ESRRG: variants seen among roughly 807,000 people sequenced by gnomAD.
ESRRG encodes the protein estrogen-related receptor gamma.
A neutral mutation model predicts 44.0 loss-of-function variants in ESRRG; 13 were observed. The ratio of observed to expected loss-of-function variants is 0.30; its 90% CI spans 0.19 to 0.47. The LOEUF (loss-of-function observed/expected upper bound fraction) is 0.47. Among genes scored for constraint, ESRRG ranks in the 20% least tolerant of loss-of-function variants. ESRRG has a pLI of 1.00. For synonymous variants in ESRRG, 215 were observed against 214.6 expected (o/e 1.00, Z -0.02); for missense variants, 395 against 580.6 (o/e 0.68, Z 3.29).
chr1:216,567,938 A>G (rs1558540339), intron 4 of ESRRG, 50 bp downstream of exon 4: 2 of 1,230,654 alleles, frequency 1.6e-6, no homozygotes, highest in Non-Finnish European at 2.4e-6. Context: ...CATAGAGCCA[A>G]CTGGGAGGAT....
rs149708491 is a variant in ESRRG, at chr1:216,975,816, T to C, written c.-105-36143A>G. ...CTTTTGTCAATGGGAAAGAACTACA[T>C]TTGTTGAGTACATGCATGTGCTGGT... On this transcript the variant is annotated intron_variant, in intron 1 of 7. Coordinates refer to the ESRRG transcript ENST00000359162. Among the ~76,000 whole-genome samples the C allele has an allele frequency of 2.6e-5, 4 of 152,314 alleles. No individual in the cohort carries two copies. The East Asian group carries it at 7.7e-4, about 29-fold the overall frequency.
chr1:216,869,410 T>C (rs931020021), intron 2 of ESRRG, among the ~76,000 whole-genome samples: 8 of 152,160 alleles, frequency 5.3e-5, no homozygotes, highest in African/African-American at 1.9e-4. Context: ...GGTCTATTGG[T>C]AATTGTCTAT....
chr1:216,525,139 A>T (rs2047252245), intron 5 of ESRRG, among the ~76,000 whole-genome samples: 1 of 152,222 alleles, frequency 6.6e-6, no homozygotes, highest in African/African-American at 2.4e-5. Context: ...GCTAAGAAAA[A>T]ATATTTCAAG....
chr1:216,520,411 G>A (rs1047799475), intron 5 of ESRRG, among the ~76,000 whole-genome samples: 8 of 151,848 alleles, frequency 5.3e-5, no homozygotes, highest in African/African-American at 9.7e-5. Context: ...ATTCATACAC[G>A]CATATTTAAA....
intron 3 of ESRRG, among the ~76,000 whole-genome samples, chr1:216,577,187 G>A (rs1169802503): frequency 6.6e-6 from 1 of 151,740 alleles, no homozygotes; most frequent in Non-Finnish European, 1.5e-5. Flanking sequence ...GAGAGAGAGA[G>A]AACGAGAATG....
At position 216,503,533 on chromosome 1, in the gene ESRRG, C is replaced by T. The variant is rs933860335; in HGVS notation, c.*3406G>A. ...TTATTATTATTATTTTTACTACTGG[C>T]TATAATGCAACTCCTGGATTATTAT... On this transcript the variant is annotated 3_prime_UTR_variant, in exon 7 of 7. Coordinates refer to ENST00000408911, the MANE Select transcript of ESRRG (RefSeq NM_001438.4). 1 of 152,302 alleles carries T rather than the reference C, an allele frequency of 6.6e-6. No homozygotes were observed. The highest frequency in any genetic ancestry group is 6.6e-5 in the Admixed American group (1 of 15,240). The allele number at this position is 152,302 out of a possible 1,614,324, so 9.4% of individuals were successfully genotyped here.
At chr1:216,674,876 G>A (rs1303653564) in intron 2 of ESRRG, among the ~76,000 whole-genome samples, 3 of 151,944 alleles carry the variant, frequency 2.0e-5, no homozygotes, top group Non-Finnish European at 4.4e-5. Flanking sequence ...GCCTCCCAAA[G>A]TGGTGGGATT....
intron 4 of ESRRG, among the ~76,000 whole-genome samples, chr1:216,567,303 G>A (rs193241375): frequency 4.6e-5 from 7 of 152,060 alleles, no homozygotes; most frequent in East Asian, 1.9e-4. Context: ...ACTCTTTTTC[G>A]TTAATGACAA....
At chr1:216,703,651 C>T (rs1166532272) in intron 1 of ESRRG, among the ~76,000 whole-genome samples, 1 of 121,292 alleles carries the variant, frequency 8.2e-6, no homozygotes, top group East Asian at 2.6e-4. Flanking sequence ...GTTTTCAAAG[C>T]TGGATAGATG....
At chr1:216,784,459 C>A (rs1047946207) in intron 2 of ESRRG, among the ~76,000 whole-genome samples, 45 of 152,068 alleles carry the variant, frequency 3.0e-4, no homozygotes, top group South Asian at 6.2e-4. Context: ...ACACAACATA[C>A]ACAATCTAGA....
intron 3 of ESRRG, among the ~76,000 whole-genome samples, chr1:216,634,540 C>T (rs1476130775): frequency 6.6e-6 from 1 of 152,158 alleles, no homozygotes; most frequent in Non-Finnish European, 1.5e-5. Context: ...TTGAAGTCTT[C>T]ACAAACTGCA....
At chr1:216,934,298 G>T (rs1456410080) in intron 2 of ESRRG, among the ~76,000 whole-genome samples, 2 of 152,126 alleles carry the variant, frequency 1.3e-5, no homozygotes, top group Non-Finnish European at 1.5e-5. Context: ...GCCGGACGTG[G>T]TGGCAGGGAC....
intron 1 of ESRRG, chr1:216,707,302 A>G: frequency 6.5e-7 from 1 of 1,527,108 alleles, no homozygotes; most frequent in Non-Finnish European, 8.8e-7. Context: ...GAGCATTTTA[A>G]GATTTAATGG....
At chr1:216,715,285 G>C (rs1386291225) in intron 1 of ESRRG, 2 of 964,728 alleles carry the variant, frequency 2.1e-6, no homozygotes, top group Non-Finnish European at 2.5e-6. Context: ...CATTTCATAG[G>C]ACCCAGCACC....
At chr1:217,045,641 C>T (rs1038782708) in intron 1 of ESRRG, among the ~76,000 whole-genome samples, 55 of 152,180 alleles carry the variant, frequency 3.6e-4, no homozygotes, top group African/African-American at 1.3e-3. Flanking sequence ...ACAGCAAGGC[C>T]ATGTGGGATA....
chr1:216,525,090 T>C (rs534018534), intron 5 of ESRRG, among the ~76,000 whole-genome samples: 16 of 152,316 alleles, frequency 1.1e-4, no homozygotes, highest in African/African-American at 3.6e-4. Context: ...TTCCTGGTTT[T>C]CCAATCAGCT....
At chr1:217,097,765 C>A (rs963644451) in intron 1 of ESRRG, among the ~76,000 whole-genome samples, 2 of 151,084 alleles carry the variant, frequency 1.3e-5, no homozygotes, top group Non-Finnish European at 2.9e-5. Flanking sequence ...AACTGCTTAC[C>A]TTCCCATAAG....
In ESRRG at chr1:216,677,221, A is replaced by G; in HGVS notation, c.327T>C (p.Val109=). 6.2e-7 allele frequency: 1 copy of G among 1,614,148 alleles called. No homozygotes were observed. The highest frequency in any genetic ancestry group is 1.1e-5 in the South Asian group (1 of 91,086). The change falls in exon 2 of 7, where the codon GTT becomes GTC. Residue 109 remains valine, a synonymous_variant. Transcript: ENST00000408911. The part of the protein sequence containing the change: ...KLYDDCSSTI[V]EDPQTKCEYM... ...ATTCACACTTGGTCTGGGGATCTTC[A>G]ACAATGGTGCTGGAGCAGTCATCAT...
rs150133191 is a variant in ESRRG at position 216,809,875 on chromosome 1, C to T, written c.-14+129707G>A. ...AATGGCAGTCAGGCACTTGGCTCGCCTCTACCACCTTGCACAGAGCTAAAC... is the reference window on the plus strand; with the variant it reads ...AATGGCAGTCAGGCACTTGGCTCGCTTCTACCACCTTGCACAGAGCTAAAC... On this transcript the variant is annotated intron_variant, in intron 2 of 7. Coordinates refer to the ESRRG transcript ENST00000359162. 2.6e-3 allele frequency among the ~76,000 whole-genome samples: 400 copies of T among 152,250 alleles called. 4 individuals carry two copies. Among genetic ancestry groups the T allele is most frequent in the Admixed American group, 0.023 (351 of 15,290 alleles).
Sources: allele counts gnomAD v4.1 joint callset (sites outside exome capture counted in the v4.1 genomes callset), GRCh38; gene constraint gnomAD v4.1.1; transcripts MANE v1.5; gene names NCBI Gene and HGNC (gene_info 2026-07-23, HGNC 2026-07-21).